ATP6V1A: variants seen among roughly 807,000 people sequenced by gnomAD.
ATP6V1A encodes the protein V-type proton ATPase catalytic subunit A.
ATP6V1A carries 18 observed loss-of-function variants against 70.1 expected under a neutral mutation model. The observed-to-expected ratio is 0.26, with a 90% confidence interval of 0.18 to 0.38. ATP6V1A has a LOEUF of 0.38. Among genes scored for constraint, ATP6V1A ranks in the 10% least tolerant of loss-of-function variants. The pLI is 1.00. For missense variants in ATP6V1A, 424 were observed against 772.4 expected (o/e 0.55, Z 5.35); for synonymous variants, 232 against 253.8 (o/e 0.91, Z 0.82).
rs1709327927 is a variant in ATP6V1A, at chr3:113,810,406, C to G, written c.*979C>G. On this transcript the variant is annotated 3_prime_UTR_variant, in exon 15 of 15. Transcript: ENST00000273398. ...CACACAATATATGAAATAGTACCCT[C>G]TAAAAAAGAGAAAAAAAAAATCAGG... is the stretch of plus-strand genomic sequence containing the variant. 6.6e-6 allele frequency: 1 copy of G among 151,434 alleles called. No individual in the cohort carries two copies. The highest frequency in any genetic ancestry group is 2.1e-4 in the South Asian group (1 of 4,824). 9.4% of individuals were successfully genotyped at this position (151,434 alleles called of 1,614,324 possible).
chr3:113,803,199 GGT>G (rs1229588685), intron 12 of ATP6V1A: 1 of 164,172 alleles, frequency 6.1e-6, no homozygotes, highest in African/African-American at 2.4e-5. Flanking sequence ...ATTTTTATGT[GGT>G]ATTTAAAATA....
chr3:113,803,414 C>T, intron 12 of ATP6V1A, 169 bp from the exon 13 acceptor site: 1 of 589,978 alleles, frequency 1.7e-6, no homozygotes, highest in Non-Finnish European at 3.0e-6. Flanking sequence ...ATGTTACATG[C>T]CTTTTAACCA....
chr3:113,802,476 G>A (rs553311066), intron 12 of ATP6V1A, among the ~76,000 whole-genome samples: 30 of 151,628 alleles, frequency 2.0e-4, no homozygotes, highest in South Asian at 1.0e-3. Flanking sequence ...GACTACAGGC[G>A]CCCTACCACA....
chr3:113,750,205 A>G (rs1708570244), intron 1 of ATP6V1A, among the ~76,000 whole-genome samples: 1 of 152,198 alleles, frequency 6.6e-6, no homozygotes, highest in Non-Finnish European at 1.5e-5. Flanking sequence ...AAATATCTTA[A>G]AAACTAAGTG....
intron 8 of ATP6V1A, among the ~76,000 whole-genome samples, chr3:113,791,619 T>C: frequency 6.6e-6 from 1 of 152,178 alleles, no homozygotes; most frequent in Non-Finnish European, 1.5e-5. Flanking sequence ...TTGTGAAGTT[T>C]ATTATGGCAT....
intron 12 of ATP6V1A, 107 bp downstream of exon 12, chr3:113,798,553 T>C (rs963780491): frequency 2.2e-6 from 2 of 925,820 alleles, no homozygotes; most frequent in African/African-American, 1.7e-5. Flanking sequence ...AAAATAAATA[T>C]TTATTAAATA....
At chr3:113,782,962 A>G (rs1215072111) in intron 3 of ATP6V1A, among the ~76,000 whole-genome samples, 1 of 152,154 alleles carries the variant, frequency 6.6e-6, no homozygotes, top group Non-Finnish European at 1.5e-5. Context: ...ATAAATAGAT[A>G]TGTGATAAAT....
At chr3:113,788,963 G>A (rs900875695) in intron 7 of ATP6V1A, 88 bp downstream of exon 7, 8 of 1,155,810 alleles carry the variant, frequency 6.9e-6, no homozygotes, top group African/African-American at 4.7e-5. Flanking sequence ...GTTGGGTCTG[G>A]AGCAATGCTG....
At position 113,811,845 on chromosome 3, in the gene ATP6V1A, T is replaced by C. The variant is rs1252525960; in HGVS notation, c.*2418T>C. 1 of 152,606 alleles carries C rather than the reference T, an allele frequency of 6.6e-6. No individual in the cohort carries two copies. The highest frequency in any genetic ancestry group is 1.9e-4 in the East Asian group (1 of 5,192). 9.5% of individuals were successfully genotyped at this position (152,606 alleles called of 1,614,324 possible). The stretch of plus-strand genomic sequence containing the variant: ...TCTGTATTTATTGTGCTGTGTCTGG[T>C]CCTAAGTGGAGCCAATTAAACAAGT... On this transcript the variant is annotated 3_prime_UTR_variant, in exon 15 of 15. Transcript: ENST00000273398.
At chr3:113,793,938 A>G (rs1559758821) in intron 8 of ATP6V1A, among the ~76,000 whole-genome samples, 1 of 152,132 alleles carries the variant, frequency 6.6e-6, no homozygotes, top group Non-Finnish European at 1.5e-5. Context: ...AGCGCTTTGT[A>G]CTTTTTAGAT....
chr3:113,771,116 GAAT>G (rs1347059685), intron 1 of ATP6V1A, among the ~76,000 whole-genome samples: 4 of 151,274 alleles, frequency 2.6e-5, no homozygotes, highest in Admixed American at 2.6e-4. Context: ...AATTAACTTT[GAAT>G]ATAATCTAAC....
At chr3:113,788,941 A>G in intron 7 of ATP6V1A, 66 bp downstream of exon 7, 1 of 1,454,800 alleles carries the variant, frequency 6.9e-7, no homozygotes, top group Non-Finnish European at 9.5e-7. Flanking sequence ...TTGACAATTA[A>G]TAAAGCTTTG....
intron 1 of ATP6V1A, among the ~76,000 whole-genome samples, chr3:113,777,213 A>G (rs974000119): frequency 6.6e-6 from 1 of 152,236 alleles, no homozygotes; most frequent in East Asian, 1.9e-4. Flanking sequence ...TTTAAATTGT[A>G]TATCAATAAA....
chr3:113,769,914 T>G (rs999701239), intron 1 of ATP6V1A, among the ~76,000 whole-genome samples: 1 of 152,234 alleles, frequency 6.6e-6, no homozygotes, highest in Admixed American at 6.5e-5. Flanking sequence ...TAAACACAGT[T>G]GAAGTCAAAA....
intron 1 of ATP6V1A, among the ~76,000 whole-genome samples, chr3:113,760,792 G>A (rs1708694740): frequency 6.6e-6 from 1 of 151,292 alleles, no homozygotes; most frequent in Non-Finnish European, 1.5e-5. Context: ...ACATCGGCCA[G>A]GTACAGTGGC....
intron 12 of ATP6V1A, among the ~76,000 whole-genome samples, chr3:113,801,699 T>TA (rs1215712841): frequency 6.6e-6 from 1 of 151,924 alleles, no homozygotes; most frequent in Non-Finnish European, 1.5e-5. Context: ...GAGGATGAAA[T>TA]ACATGAGAGC....
chr3:113,793,872 C>A (rs535742882), intron 8 of ATP6V1A, among the ~76,000 whole-genome samples: 1 of 151,974 alleles, frequency 6.6e-6, no homozygotes, highest in Non-Finnish European at 1.5e-5. Flanking sequence ...GTTCCAAAAT[C>A]TTTTGGAACT....
intron 1 of ATP6V1A, among the ~76,000 whole-genome samples, chr3:113,758,483 A>G (rs1456519013): frequency 1.5e-5 from 2 of 130,246 alleles, no homozygotes; most frequent in Non-Finnish European, 3.4e-5. Context: ...TTCTATCATT[A>G]TAGTTAGTTT....
chr3:113,752,761 TATATATC>T (rs1708601391), intron 1 of ATP6V1A, among the ~76,000 whole-genome samples: 1 of 152,104 alleles, frequency 6.6e-6, no homozygotes, highest in Non-Finnish European at 1.5e-5. Flanking sequence ...AAAGGGCACA[TATATATC>T]ATAAATGTTA....
Sources: allele counts gnomAD v4.1 joint callset (sites outside exome capture counted in the v4.1 genomes callset), GRCh38; gene constraint gnomAD v4.1.1; transcripts MANE v1.5; gene names NCBI Gene and HGNC (gene_info 2026-07-23, HGNC 2026-07-21).